HES2: variants seen among roughly 807,000 people sequenced by gnomAD.
HES2 encodes hes family bHLH transcription factor 2, also known as transcription factor HES-2.
A neutral mutation model predicts 11.9 loss-of-function variants in HES2; 11 were observed. That is an observed-to-expected ratio of 0.92 (90% CI 0.58 to 1.53). HES2 has a LOEUF of 1.53. Ranked by LOEUF, HES2 falls within the 40% of genes most tolerant of loss-of-function variation. HES2 has a pLI of 0.00. For synonymous variants in HES2, 125 were observed against 122.8 expected (o/e 1.02, Z -0.12); for missense variants, 260 against 253.8 (o/e 1.02, Z -0.16).
chr1:6,417,161 G>C lies in HES2; in HGVS notation c.*1712C>G, dbSNP rs1642861207. On this transcript the variant is annotated 3_prime_UTR_variant, in exon 4 of 4. Coordinates refer to ENST00000377834, the MANE Select transcript of HES2 (RefSeq NM_019089.5). ...TCTAACCCTCTGGGCACAGGGAGGT[G>C]GGAAGATGGCACGGCCTTGCTGGGA... 6.6e-6 allele frequency: 1 copy of C among 152,280 alleles called. No homozygotes were observed. Among genetic ancestry groups the C allele is most frequent in the Non-Finnish European group, 1.5e-5 (1 of 68,076 alleles). 9.4% of individuals were successfully genotyped at this position (152,280 alleles called of 1,614,324 possible). A position where few individuals can be genotyped will look rare whatever the true frequency, so the allele number is the denominator to read the frequency against.
In HES2 at chr1:6,416,819, C is replaced by T. The variant is rs533160364; in HGVS notation, c.*2054G>A. The T allele has an allele frequency of 5.2e-5, 8 of 152,404 alleles. No individual in the cohort carries two copies. The highest frequency in any genetic ancestry group is 1.9e-4 in the African/African-American group (8 of 41,572). 9.4% of individuals were successfully genotyped at this position (152,404 alleles called of 1,614,324 possible). A position where few individuals can be genotyped will look rare whatever the true frequency, so the allele number is the denominator to read the frequency against. On this transcript the variant is annotated 3_prime_UTR_variant, in exon 4 of 4. Coordinates refer to ENST00000377834, the MANE Select transcript of HES2 (RefSeq NM_019089.5). ...CTAGGCGGGCTTGGGCCGCAGGTTA[C>T]CTGCTCCCGGAGGCTCACAAAGGCA... is the stretch of plus-strand genomic sequence containing the variant.
At position 6,416,945 on chromosome 1, in the gene HES2, T is replaced by C. The variant is rs1459715619; in HGVS notation, c.*1928A>G. ...AGTATTTGTCCTCATGGAGTAAATA[T>C]CCAACAGTGATCCCAGGGCATGGGA... On this transcript the variant is annotated 3_prime_UTR_variant, in exon 4 of 4. Coordinates refer to ENST00000377834, the MANE Select transcript of HES2 (RefSeq NM_019089.5). 6.6e-6 allele frequency: 1 copy of C among 152,296 alleles called. No individual in the cohort carries two copies. Among genetic ancestry groups the C allele is most frequent in the Non-Finnish European group, 1.5e-5 (1 of 68,124 alleles). 9.4% of individuals were successfully genotyped at this position (152,296 alleles called of 1,614,324 possible).
rs757571964 is a variant in HES2, at chr1:6,419,646, G to A, written c.102C>T (p.Ser34=). Residue 34 remains serine, a synonymous_variant, in exon 2 of 4, where the codon AGC becomes AGT. Coordinates refer to ENST00000377834, the MANE Select transcript of HES2 (RefSeq NM_019089.5). This position sits in a 1 kb window ranked among gnomAD's most constrained non-coding sequence, Gnocchi z 8.1. The stretch of plus-strand genomic sequence containing the variant: ...GCGGCAGGATGAGCCCCTTAAGCTG[G>A]CTCAGGCTCTGGTTGATGCGCGCGC... The part of the protein sequence containing the change: ...RRRARINQSL[S]QLKGLILPLL... The A allele has an allele frequency of 2.6e-5, 40 of 1,552,478 alleles. No individual in the cohort carries two copies. Among genetic ancestry groups the A allele is most frequent in the South Asian group, 1.8e-4 (15 of 84,432 alleles).
Position 6,417,449 on chromosome 1 carries a change from TATG to T in HES2, c.*1421_*1423del, listed in dbSNP as rs1360942596. 7.4e-6 allele frequency: 1 copy of T among 135,580 alleles called. No individual in the cohort carries two copies. Among genetic ancestry groups the T allele is most frequent in the Non-Finnish European group, 1.6e-5 (1 of 63,990 alleles). The allele number at this position is 135,580 out of a possible 1,614,324, so 8.4% of individuals were successfully genotyped here. A position where few individuals can be genotyped will look rare whatever the true frequency, so the allele number is the denominator to read the frequency against. ...ATGAAATGACGGGTGTTTGCCTGAC[TATG>T]ATTTCATGAATCCCCCATGAAATGA... On this transcript the variant is annotated 3_prime_UTR_variant, in exon 4 of 4. Coordinates refer to ENST00000377834, the MANE Select transcript of HES2 (RefSeq NM_019089.5).
chr1:6,419,197 T>C lies in HES2; in HGVS notation c.241+44A>G. On this transcript the variant is annotated intron_variant, in intron 3 of 3. Transcript: ENST00000377834. This position sits in a 1 kb window ranked among gnomAD's most constrained non-coding sequence, Gnocchi z 8.1. Reference sequence around the variant, plus strand: ...GTGAGGCGCGGGGTAGGGTGCCGGGTGCGGGGTGCAGAGCGCGCGGCAGGG... The same window carrying C: ...GTGAGGCGCGGGGTAGGGTGCCGGGCGCGGGGTGCAGAGCGCGCGGCAGGG... 1 of 1,586,378 alleles carries C rather than the reference T, an allele frequency of 6.3e-7. No homozygotes were observed. Among genetic ancestry groups the C allele is most frequent in the South Asian group, 1.1e-5 (1 of 88,662 alleles).
At position 6,417,931 on chromosome 1, in the gene HES2, G is replaced by C. The variant is rs972800823; in HGVS notation, c.*942C>G. 6.6e-6 allele frequency: 1 copy of C among 152,200 alleles called. No homozygotes were observed. Among genetic ancestry groups the C allele is most frequent in the Admixed American group, 6.5e-5 (1 of 15,274 alleles). The allele number at this position is 152,200 out of a possible 1,614,324, so 9.4% of individuals were successfully genotyped here. ...TGCTTCCAGTAACCAGTCTCAATGA[G>C]TAGCAGGGAGTAGTTTGCAAGAAAA... is the stretch of plus-strand genomic sequence containing the variant. On this transcript the variant is annotated 3_prime_UTR_variant, in exon 4 of 4. Coordinates refer to ENST00000377834, the MANE Select transcript of HES2 (RefSeq NM_019089.5).
chr1:6,419,861 A>G lies in HES2; in HGVS notation c.-41T>C. On this transcript the variant is annotated 5_prime_UTR_variant, in exon 1 of 4. Coordinates refer to ENST00000377834, the MANE Select transcript of HES2 (RefSeq NM_019089.5). The surrounding 1 kb of genome is among the most constrained non-coding windows in gnomAD (Gnocchi z 8.1). The stretch of plus-strand genomic sequence containing the variant: ...GGTGGCAGCTGCGAGCCCCACGCAA[A>G]GGGAAACCGAGGTCCGAAATGAGGT... 1 of 1,513,712 alleles carries G rather than the reference A, an allele frequency of 6.6e-7. No homozygotes were observed. The highest frequency in any genetic ancestry group is 1.5e-5 in the African/African-American group (1 of 68,896). The allele number at this position is 1,513,712 out of a possible 1,614,324, so 93.8% of individuals were successfully genotyped here.
rs1475075521 is a variant in HES2, at chr1:6,419,915, C to A, written c.-95G>T. On this transcript the variant is annotated 5_prime_UTR_variant, in exon 1 of 4. Coordinates refer to ENST00000377834, the MANE Select transcript of HES2 (RefSeq NM_019089.5). This position sits in a 1 kb window ranked among gnomAD's most constrained non-coding sequence, Gnocchi z 8.1. The stretch of plus-strand genomic sequence containing the variant: ...GGGCGCGGCCCGGGCTGGTGCCAGA[C>A]GAGTGCGCGCCCCGCCCGCGGCCGA... 7.2e-6 allele frequency: 10 copies of A among 1,382,700 alleles called. No homozygotes were observed. Among genetic ancestry groups the A allele is most frequent in the Non-Finnish European group, 8.4e-6 (9 of 1,069,460 alleles). 85.7% of individuals were successfully genotyped at this position (1,382,700 alleles called of 1,614,324 possible). A position where few individuals can be genotyped will look rare whatever the true frequency, so the allele number is the denominator to read the frequency against.
At position 6,419,222 on chromosome 1, in the gene HES2, G is replaced by A. The variant is rs748566684; in HGVS notation, c.241+19C>T. The A allele has an allele frequency of 2.5e-6, 4 of 1,603,236 alleles. No individual in the cohort carries two copies. The East Asian group carries it at 6.7e-5, about 27-fold the overall frequency. On this transcript the variant is annotated intron_variant, in intron 3 of 3. Coordinates refer to ENST00000377834, the MANE Select transcript of HES2 (RefSeq NM_019089.5). The surrounding 1 kb of genome is among the most constrained non-coding windows in gnomAD (Gnocchi z 8.1). ...TGCGGGGTGCAGAGCGCGCGGCAGG[G>A]CAGGGAGGGCTCACTCACGGGGCGC...
At position 6,419,584 on chromosome 1, in the gene HES2, G is replaced by A. The variant is rs891666231; in HGVS notation, c.141+23C>T. On this transcript the variant is annotated intron_variant, in intron 2 of 3. Coordinates refer to ENST00000377834, the MANE Select transcript of HES2 (RefSeq NM_019089.5). This position sits in a 1 kb window ranked among gnomAD's most constrained non-coding sequence, Gnocchi z 8.1. ...CCCGCTCCGCGCCCCAGGACCCTCTGCCCTCCGCCCGGGCGCGCTCACCTC... is the reference window on the plus strand; with the variant it reads ...CCCGCTCCGCGCCCCAGGACCCTCTACCCTCCGCCCGGGCGCGCTCACCTC... The A allele has an allele frequency of 2.6e-5, 40 of 1,517,878 alleles. No individual in the cohort carries two copies. Among genetic ancestry groups the A allele is most frequent in the Non-Finnish European group, 3.5e-5 (40 of 1,134,226 alleles). The allele number at this position is 1,517,878 out of a possible 1,614,324, so 94.0% of individuals were successfully genotyped here. A position where few individuals can be genotyped will look rare whatever the true frequency, so the allele number is the denominator to read the frequency against.
Position 6,419,539 on chromosome 1 carries a change from G to A in HES2, c.141+68C>T, listed in dbSNP as rs1049507590. 10 of 1,378,848 alleles carry A rather than the reference G, an allele frequency of 7.3e-6. No individual in the cohort carries two copies. The East Asian group carries it at 2.2e-4, about 30-fold the overall frequency. The allele number at this position is 1,378,848 out of a possible 1,614,324, so 85.4% of individuals were successfully genotyped here. The stretch of plus-strand genomic sequence containing the variant: ...ACCCCCTGGTGGGTTCCTCCCGCAG[G>A]AGCACCCCGTCCCCCTGCCCCCGCT... On this transcript the variant is annotated intron_variant, in intron 2 of 3. Coordinates refer to ENST00000377834, the MANE Select transcript of HES2 (RefSeq NM_019089.5). This position sits in a 1 kb window ranked among gnomAD's most constrained non-coding sequence, Gnocchi z 8.1.
Position 6,419,472 on chromosome 1 carries a change from C to T in HES2, c.142-132G>A. ...GTGGCCTGCTGGGGGTCCGCTCCGA[C>T]GCGCCCACCCCACCCAGGCTCCGCC... On this transcript the variant is annotated intron_variant, in intron 2 of 3. Transcript: ENST00000377834. The surrounding 1 kb of genome is among the most constrained non-coding windows in gnomAD (Gnocchi z 8.1). 3 of 1,151,884 alleles carry T rather than the reference C, an allele frequency of 2.6e-6. No homozygotes were observed. The highest frequency in any genetic ancestry group is 3.6e-6 in the Non-Finnish European group (3 of 831,534). The allele number at this position is 1,151,884 out of a possible 1,614,324, so 71.4% of individuals were successfully genotyped here.
Position 6,419,339 on chromosome 1 carries a change from T to C in HES2, c.143A>G (p.Asn48Ser), listed in dbSNP as rs1390200543. Reference protein sequence around the residue: ...GLILPLLGRENSNCSKLEKAD... With the variant: ...GLILPLLGRESSNCSKLEKAD... ...CTTCTCTAGCTTCGAGCAGTTGGAGTTCTGCGCCCGGCCACGAGGAAGAGC... is the reference window on the plus strand; with the variant it reads ...CTTCTCTAGCTTCGAGCAGTTGGAGCTCTGCGCCCGGCCACGAGGAAGAGC... The change falls in exon 3 of 4, where the codon AAC becomes AGC. Residue 48 changes from asparagine to serine, a missense_variant and splice_region_variant. By Grantham distance (46) the Asn-to-Ser change is conservative. Coordinates refer to ENST00000377834, the MANE Select transcript of HES2 (RefSeq NM_019089.5). The surrounding 1 kb of genome is among the most constrained non-coding windows in gnomAD (Gnocchi z 8.1). 4 of 1,608,518 alleles carry C rather than the reference T, an allele frequency of 2.5e-6. No individual in the cohort carries two copies. Among genetic ancestry groups the C allele is most frequent in the Non-Finnish European group, 3.4e-6 (4 of 1,178,230 alleles).
Position 6,419,179 on chromosome 1 carries a change from G to A in HES2, c.242-26C>T. ...CTGCGGGCGGAGAGCCGCGTGAGGCGCGGGGTAGGGTGCCGGGTGCGGGGT... is the reference window on the plus strand; with the variant it reads ...CTGCGGGCGGAGAGCCGCGTGAGGCACGGGGTAGGGTGCCGGGTGCGGGGT... On this transcript the variant is annotated intron_variant, in intron 3 of 3. Coordinates refer to ENST00000377834, the MANE Select transcript of HES2 (RefSeq NM_019089.5). This position sits in a 1 kb window ranked among gnomAD's most constrained non-coding sequence, Gnocchi z 8.1. 1.2e-5 allele frequency: 19 copies of A among 1,570,000 alleles called. No individual in the cohort carries two copies. The highest frequency in any genetic ancestry group is 1.6e-5 in the Non-Finnish European group (19 of 1,165,016).
rs1302422119 is a variant in HES2 at position 6,417,343 on chromosome 1, C to T, written c.*1530G>A. 3 of 121,868 alleles carry T rather than the reference C, an allele frequency of 2.5e-5. No individual in the cohort carries two copies. Among genetic ancestry groups the T allele is most frequent in the Admixed American group, 7.6e-5 (1 of 13,130 alleles). The allele number at this position is 121,868 out of a possible 1,614,324, so 7.5% of individuals were successfully genotyped here. A position where few individuals can be genotyped will look rare whatever the true frequency, so the allele number is the denominator to read the frequency against. ...TCCCACATTGGTTCTGTCTTCTTGC[C>T]CCCGGTGCTCTGGTCCCTAGCACAG... is the stretch of plus-strand genomic sequence containing the variant. On this transcript the variant is annotated 3_prime_UTR_variant, in exon 4 of 4. Coordinates refer to ENST00000377834, the MANE Select transcript of HES2 (RefSeq NM_019089.5).
Position 6,419,522 on chromosome 1 carries a change from G to A in HES2, c.141+85C>T, listed in dbSNP as rs1642887096. 7.6e-7 allele frequency: 1 copy of A among 1,310,146 alleles called. No individual in the cohort carries two copies. Among genetic ancestry groups the A allele is most frequent in the East Asian group, 2.7e-5 (1 of 36,746 alleles). The allele number at this position is 1,310,146 out of a possible 1,614,324, so 81.2% of individuals were successfully genotyped here. A position where few individuals can be genotyped will look rare whatever the true frequency, so the allele number is the denominator to read the frequency against. On this transcript the variant is annotated intron_variant, in intron 2 of 3. Transcript: ENST00000377834. The surrounding 1 kb of genome is among the most constrained non-coding windows in gnomAD (Gnocchi z 8.1). Reference sequence around the variant, plus strand: ...CTCGGGCGCCGCGCGGAACCCCCTGGTGGGTTCCTCCCGCAGGAGCACCCC... The same window carrying A: ...CTCGGGCGCCGCGCGGAACCCCCTGATGGGTTCCTCCCGCAGGAGCACCCC...
At position 6,419,419 on chromosome 1, in the gene HES2, T is replaced by C; in HGVS notation, c.142-79A>G. On this transcript the variant is annotated intron_variant, in intron 2 of 3. Coordinates refer to ENST00000377834, the MANE Select transcript of HES2 (RefSeq NM_019089.5). The surrounding 1 kb of genome is among the most constrained non-coding windows in gnomAD (Gnocchi z 8.1). ...CCGGCTACCGTGCGCACCCTCGCTC[T>C]AGTCGGGAGCTGGGTGTGGGGCGCG... 1.5e-6 allele frequency: 2 copies of C among 1,320,140 alleles called. No homozygotes were observed. The allele number at this position is 1,320,140 out of a possible 1,614,324, so 81.8% of individuals were successfully genotyped here. A position where few individuals can be genotyped will look rare whatever the true frequency, so the allele number is the denominator to read the frequency against.
At position 6,419,871 on chromosome 1, in the gene HES2, A is replaced by G. The variant is rs1237797604; in HGVS notation, c.-51T>C. ...GCGAGCCCCACGCAAAGGGAAACCG[A>G]GGTCCGAAATGAGGTCCCGGGCGCG... On this transcript the variant is annotated 5_prime_UTR_variant, in exon 1 of 4. Transcript: ENST00000377834. The surrounding 1 kb of genome is among the most constrained non-coding windows in gnomAD (Gnocchi z 8.1). 2.0e-6 allele frequency: 3 copies of G among 1,499,980 alleles called. No homozygotes were observed. Among genetic ancestry groups the G allele is most frequent in the African/African-American group, 2.9e-5 (2 of 68,232 alleles). The allele number at this position is 1,499,980 out of a possible 1,614,324, so 92.9% of individuals were successfully genotyped here. A position where few individuals can be genotyped will look rare whatever the true frequency, so the allele number is the denominator to read the frequency against.
rs1483758429 is a variant in HES2 at position 6,418,710 on chromosome 1, C to T, written c.*163G>A. The T allele has an allele frequency of 1.6e-6, 1 of 622,906 alleles. No individual in the cohort carries two copies. The highest frequency in any genetic ancestry group is 2.3e-6 in the Non-Finnish European group (1 of 431,640). 38.6% of individuals were successfully genotyped at this position (622,906 alleles called of 1,614,324 possible). On this transcript the variant is annotated 3_prime_UTR_variant, in exon 4 of 4. Coordinates refer to ENST00000377834, the MANE Select transcript of HES2 (RefSeq NM_019089.5). ...CCTGAGCCGAGCCCCAGCCCCAGGG[C>T]TTTCAGTCTGCCACGCCAGTCACAA...
Sources: allele counts gnomAD v4.1 joint callset, GRCh38; gene constraint gnomAD v4.1.1; non-coding constraint Gnocchi (gnomAD v3.1); transcripts MANE v1.5; gene names NCBI Gene and HGNC (gene_info 2026-07-23, HGNC 2026-07-21).